Variants in EEF1AKMT2 observed in about 807,000 individuals in gnomAD.
EEF1AKMT2 encodes eukaryotic translation elongation factor 1 alpha lysine methyltransferase 2.
EEF1AKMT2 carries 32 observed loss-of-function variants against 35.8 expected under a neutral mutation model. The ratio of observed to expected loss-of-function variants is 0.89; its 90% CI spans 0.67 to 1.20. The LOEUF is 1.20. Ranked by LOEUF, EEF1AKMT2 falls within the 50% of genes most tolerant of loss-of-function variation. EEF1AKMT2 has a pLI of 0.00. For missense variants in EEF1AKMT2, 330 were observed against 347.5 expected, an observed-to-expected ratio of 0.95 and a Z score of 0.40; for synonymous variants, 121 against 133.7, an observed-to-expected ratio of 0.91 and a Z score of 0.65.
Position 124,767,262 on chromosome 10 carries a change from C to T in EEF1AKMT2, c.400-1654G>A, listed in dbSNP as rs555071305. ...GGCGCAGTGGCTCACGCCTGTAATC[C>T]CAACACTTAGGGAGGCCAAGGCAGA... On this transcript the variant is annotated intron_variant, in intron 4 of 6. Coordinates refer to ENST00000368836, the MANE Select transcript of EEF1AKMT2 (RefSeq NM_212554.4). Among the ~76,000 whole-genome samples the T allele has an allele frequency of 4.4e-3, 653 of 149,932 alleles. 4 individuals are homozygous for T. Among genetic ancestry groups the T allele is most frequent in the African/African-American group, 0.015 (613 of 40,928 alleles).
Position 124,762,402 on chromosome 10 carries a change from T to C in EEF1AKMT2, c.773A>G (p.His258Arg). The change falls in exon 6 of 7, where the codon CAT (histidine) becomes CGT (arginine). Residue 258 changes from histidine to arginine, a missense_variant. Coordinates refer to ENST00000368836, the MANE Select transcript of EEF1AKMT2 (RefSeq NM_212554.4). ...GAGTTCCAGACCAGCCTGGACAACA[T>C]GGCAAAACCTCGTCTCTGCTAAAAA... Reference protein sequence around the residue: ...FVFLAETRFCHVVQAGLELLG... With the variant: ...FVFLAETRFCRVVQAGLELLG... 3.1e-6 allele frequency: 4 copies of C among 1,295,706 alleles called. No homozygotes were observed. The highest frequency in any genetic ancestry group is 3.1e-6 in the Non-Finnish European group (3 of 982,172). 80.3% of individuals were successfully genotyped at this position (1,295,706 alleles called of 1,614,324 possible). A position where few individuals can be genotyped will look rare whatever the true frequency, so the allele number is the denominator to read the frequency against.
intron 2 of EEF1AKMT2, 76 bp downstream of exon 2, chr10:124,790,197 T>C (rs1950622351): frequency 3.4e-6 from 4 of 1,184,806 alleles, no homozygotes; most frequent in Non-Finnish European, 2.5e-6. Context: ...CCGGCGAATA[T>C]ATACGTATTT....
chr10:124,764,988 G>A (rs1950366167), intron 5 of EEF1AKMT2, among the ~76,000 whole-genome samples: 1 of 152,096 alleles, frequency 6.6e-6, no homozygotes, highest in Admixed American at 6.6e-5. Flanking sequence ...TGCAACCTCT[G>A]CCTCCTGGGC....
intron 3 of EEF1AKMT2, among the ~76,000 whole-genome samples, chr10:124,786,537 G>C (rs1374341739): frequency 6.8e-6 from 1 of 147,736 alleles, no homozygotes; most frequent in Non-Finnish European, 1.5e-5. Context: ...AGGCCAGGCA[G>C]AGTGGCTCAC....
intron 4 of EEF1AKMT2, among the ~76,000 whole-genome samples, chr10:124,770,288 G>T (rs1265723519): frequency 6.6e-6 from 1 of 151,690 alleles, no homozygotes; most frequent in East Asian, 2.0e-4. Context: ...GTGGTGGCGG[G>T]TGCCTGTAGT....
At chr10:124,782,525 T>A (rs1473625563) in intron 3 of EEF1AKMT2, among the ~76,000 whole-genome samples, 3 of 132,214 alleles carry the variant, frequency 2.3e-5, no homozygotes, top group African/African-American at 8.8e-5. Flanking sequence ...GAGCTTGCAG[T>A]GAGCCGAGAT....
intron 3 of EEF1AKMT2, among the ~76,000 whole-genome samples, chr10:124,776,217 T>C (rs576114566): frequency 6.6e-6 from 1 of 152,290 alleles, no homozygotes; most frequent in East Asian, 1.9e-4. Flanking sequence ...ATTCTTCTAG[T>C]ACAACTTATA....
chr10:124,791,631 T>G (rs1422792051), intron 1 of EEF1AKMT2, 93 bp downstream of exon 1: 7 of 1,513,792 alleles, frequency 4.6e-6, no homozygotes, highest in Non-Finnish European at 6.2e-6. Flanking sequence ...GGTCTCCCTG[T>G]CCCTGAGCCC....
intron 3 of EEF1AKMT2, 43 bp from the exon 4 acceptor site, chr10:124,774,825 T>A: frequency 2.1e-6 from 2 of 959,820 alleles, no homozygotes; most frequent in Non-Finnish European, 2.9e-6. Flanking sequence ...AATTTTAATA[T>A]AATGTTTTGT....
intron 3 of EEF1AKMT2, 143 bp downstream of exon 3, chr10:124,788,900 C>T (rs1950611735): frequency 1.7e-6 from 1 of 593,222 alleles, no homozygotes; most frequent in East Asian, 2.9e-5. Flanking sequence ...ATCCATGTAG[C>T]CTCCCTTTTG....
rs1428454449 is a variant in EEF1AKMT2 at position 124,774,687 on chromosome 10, G to A, written c.387C>T (p.Asn129=). The change falls in exon 4 of 7, where the codon AAC becomes AAT. Residue 129 remains asparagine (N), a synonymous_variant. Coordinates refer to ENST00000368836, the MANE Select transcript of EEF1AKMT2 (RefSeq NM_212554.4). ...AAATAATAGTTACCTTTAACTTAAT[G>A]TTAGATAAACCTTCTTTTTCTATAA... ...GSIIEKEGLS[N]IKLKVEDFLN... is the part of the protein sequence containing the mutation. The A allele has an allele frequency of 7.1e-7, 1 of 1,415,826 alleles. No homozygotes were observed. The highest frequency in any genetic ancestry group is 9.4e-7 in the Non-Finnish European group (1 of 1,068,658). The allele number at this position is 1,415,826 out of a possible 1,614,324, so 87.7% of individuals were successfully genotyped here.
intron 3 of EEF1AKMT2, among the ~76,000 whole-genome samples, chr10:124,779,069 T>C (rs138676362): frequency 7.2e-5 from 11 of 151,780 alleles, no homozygotes; most frequent in African/African-American, 2.7e-4. Flanking sequence ...CACCAACACC[T>C]AATAAGTTTA....
rs1589795539 is a variant in EEF1AKMT2, at chr10:124,789,166, G to C, written c.177-9C>G. The stretch of plus-strand genomic sequence containing the variant: ...TACTCTCTTCTCCAAACCTGTTAGA[G>C]AGAATCAGTCAAATAACTGAGGGAT... On this transcript the variant is annotated splice_polypyrimidine_tract_variant and intron_variant, in intron 2 of 6. Coordinates refer to ENST00000368836, the MANE Select transcript of EEF1AKMT2 (RefSeq NM_212554.4). 2 of 1,586,872 alleles carry C rather than the reference G, an allele frequency of 1.3e-6. No homozygotes were observed. The highest frequency in any genetic ancestry group is 2.2e-5 in the East Asian group (1 of 44,624).
At chr10:124,761,459 T>C (rs1950330508) in intron 6 of EEF1AKMT2, among the ~76,000 whole-genome samples, 1 of 151,096 alleles carries the variant, frequency 6.6e-6, no homozygotes, top group Non-Finnish European at 1.5e-5. Flanking sequence ...ATAACAAAGA[T>C]GAAGACTCAA....
Position 124,760,298 on chromosome 10 carries a change from T to C in EEF1AKMT2, c.*205A>G, listed in dbSNP as rs1950319694. 1.6e-6 allele frequency: 1 copy of C among 639,074 alleles called. No individual in the cohort carries two copies. Among genetic ancestry groups the C allele is most frequent in the Non-Finnish European group, 2.8e-6 (1 of 361,792 alleles). 39.6% of individuals were successfully genotyped at this position (639,074 alleles called of 1,614,324 possible). A position where few individuals can be genotyped will look rare whatever the true frequency, so the allele number is the denominator to read the frequency against. On this transcript the variant is annotated 3_prime_UTR_variant, in exon 7 of 7. Coordinates refer to ENST00000368836, the MANE Select transcript of EEF1AKMT2 (RefSeq NM_212554.4). The stretch of plus-strand genomic sequence containing the variant: ...CCAATCCAGTATACTCTATTCAACA[T>C]GTGCATCCTGTGTACTTACTAAGCA...
At chr10:124,774,284 A>G (rs952445962) in intron 4 of EEF1AKMT2, among the ~76,000 whole-genome samples, 1 of 143,112 alleles carries the variant, frequency 7.0e-6, no homozygotes, top group Non-Finnish European at 1.5e-5. Context: ...GGAGAATGGC[A>G]TGAACCCAGG....
intron 4 of EEF1AKMT2, among the ~76,000 whole-genome samples, chr10:124,772,910 C>T (rs1950450714): frequency 6.6e-6 from 1 of 152,156 alleles, no homozygotes; most frequent in South Asian, 2.1e-4. Flanking sequence ...AGCACTAAAA[C>T]TTTCTCCGTA....
At chr10:124,771,738 A>T (rs534972608) in intron 4 of EEF1AKMT2, among the ~76,000 whole-genome samples, 1 of 151,896 alleles carries the variant, frequency 6.6e-6, no homozygotes, top group Admixed American at 6.6e-5. Flanking sequence ...GTGTGGTGGC[A>T]GGCACCTGTA....
Position 124,762,502 on chromosome 10 carries a change from CT to C in EEF1AKMT2, c.672del (p.Ala225ArgfsTer10). 1 of 1,288,510 alleles carries C rather than the reference CT, an allele frequency of 7.8e-7. No homozygotes were observed. Among genetic ancestry groups the C allele is most frequent in the Middle Eastern group, 2.2e-4 (1 of 4,622 alleles). The allele number at this position is 1,288,510 out of a possible 1,614,324, so 79.8% of individuals were successfully genotyped here. A position where few individuals can be genotyped will look rare whatever the true frequency, so the allele number is the denominator to read the frequency against. On this transcript the variant is annotated frameshift_variant, in exon 6 of 7. Transcript: ENST00000368836. LOFTEE classifies it high-confidence loss of function. Reference sequence around the variant, plus strand: ...CGGGAGGCTGAAGTGGAAAAGATCGCTTGAGCCCAGGAAGTCAAGGCTGCAG... The same window carrying C: ...CGGGAGGCTGAAGTGGAAAAGATCGCTGAGCCCAGGAAGTCAAGGCTGCAG... ...WLTAALTSWA[Q>X]AIFSTSASRV...
Sources: gnomAD v4.1 joint callset for allele counts (sites outside exome capture counted in the v4.1 genomes callset) on GRCh38, gnomAD v4.1.1 for gene constraint, MANE v1.5 for transcripts, NCBI Gene and HGNC (gene_info 2026-07-23, HGNC 2026-07-21) for gene names.